ARHGAP24: variants seen among roughly 807,000 people sequenced by gnomAD.
The protein encoded by ARHGAP24 is rho GTPase-activating protein 24.
In ARHGAP24, 50 loss-of-function variants were observed where a neutral mutation model predicts 76.4. The observed-to-expected ratio is 0.65, with a 90% CI of 0.52 to 0.83. ARHGAP24 has a LOEUF of 0.83. ARHGAP24 is among the 40% of genes least tolerant of loss of function. The pLI is 0.00. For missense variants in ARHGAP24, 930 were observed against 914.2 expected (o/e 1.02, Z -0.22); for synonymous variants, 345 against 323.3 (o/e 1.07, Z -0.72).
intron 2 of ARHGAP24, among the ~76,000 whole-genome samples, chr4:85,658,133 A>G (rs527587239): frequency 1.3e-5 from 2 of 152,304 alleles, no homozygotes; most frequent in African/African-American, 4.8e-5. Context: ...CAGTCTGACA[A>G]AAGAAGGAAC....
At chr4:85,930,951 T>C (rs749996308) in intron 4 of ARHGAP24, 1 of 1,614,034 alleles carries the variant, frequency 6.2e-7, no homozygotes, top group Non-Finnish European at 8.5e-7. Flanking sequence ...ACCGGAATTC[T>C]GGGGGGTGCC....
At chr4:85,741,071 C>G (rs1725804809) in intron 3 of ARHGAP24, among the ~76,000 whole-genome samples, 1 of 152,192 alleles carries the variant, frequency 6.6e-6, no homozygotes, top group Admixed American at 6.5e-5. Flanking sequence ...TGCCCTAGGT[C>G]ACCAGCCAGT....
intron 2 of ARHGAP24, among the ~76,000 whole-genome samples, chr4:85,635,461 TATTTATTGCTTAGTTTCTCCTC>T (rs1721285159): frequency 6.6e-6 from 1 of 151,920 alleles, no homozygotes; most frequent in Non-Finnish European, 1.5e-5. Flanking sequence ...TTGTCTCTTT[TATTTATTGCTTAGTTTCTCCTC>T]ATTTCACTGA....
intron 3 of ARHGAP24, among the ~76,000 whole-genome samples, chr4:85,885,815 T>C (rs1225578202): frequency 6.6e-6 from 1 of 152,138 alleles, no homozygotes; most frequent in Non-Finnish European, 1.5e-5. Context: ...TTTAATTGTT[T>C]AAAGCTAGAG....
At chr4:85,974,748 G>C in intron 6 of ARHGAP24, 140 bp from the exon 7 acceptor site, 1 of 673,258 alleles carries the variant, frequency 1.5e-6, no homozygotes, top group Non-Finnish European at 2.6e-6. Flanking sequence ...CACTGTGATG[G>C]TGGTAAGTTT....
intron 3 of ARHGAP24, among the ~76,000 whole-genome samples, chr4:85,897,115 T>G (rs907970388): frequency 6.6e-6 from 1 of 152,164 alleles, no homozygotes; most frequent in African/African-American, 2.4e-5. Context: ...ATGAAAAGAC[T>G]TGAATGTCCC....
At chr4:85,760,040 C>A (rs1282758580) in intron 3 of ARHGAP24, among the ~76,000 whole-genome samples, 1 of 138,868 alleles carries the variant, frequency 7.2e-6, no homozygotes, top group East Asian at 1.9e-4. Flanking sequence ...ATCAAATGAA[C>A]TTTTTTTCCT....
chr4:85,962,438 AAAG>A (rs2148842850), intron 5 of ARHGAP24, among the ~76,000 whole-genome samples: 2 of 152,178 alleles, frequency 1.3e-5, no homozygotes, highest in African/African-American at 4.8e-5. Flanking sequence ...GTGAGGTGAG[AAAG>A]AAGCTCACCT....
At chr4:85,942,403 GGAGTTT>G in intron 5 of ARHGAP24, 130 bp downstream of exon 5, 1 of 1,129,236 alleles carries the variant, frequency 8.9e-7, no homozygotes, top group Non-Finnish European at 1.3e-6. Flanking sequence ...TTTGGCCACA[GGAGTTT>G]GCATTGTTTC....
chr4:85,544,724 G>T (rs1296333512), intron 1 of ARHGAP24, among the ~76,000 whole-genome samples: 1 of 151,896 alleles, frequency 6.6e-6, no homozygotes, highest in Admixed American at 6.6e-5. Context: ...ATACATATAT[G>T]TAAATTTTTT....
At chr4:85,678,986 T>C (rs956986915) in intron 2 of ARHGAP24, among the ~76,000 whole-genome samples, 1 of 152,122 alleles carries the variant, frequency 6.6e-6, no homozygotes, top group Non-Finnish European at 1.5e-5. Context: ...CAAGAAAAGA[T>C]ATTCAAATTT....
intron 3 of ARHGAP24, among the ~76,000 whole-genome samples, chr4:85,902,341 A>G (rs1260372125): frequency 6.6e-6 from 1 of 152,212 alleles, no homozygotes; most frequent in East Asian, 1.9e-4. Flanking sequence ...CTACAGATCT[A>G]TGGCATTTAG....
At chr4:85,831,237 GA>G (rs1472987977) in intron 3 of ARHGAP24, among the ~76,000 whole-genome samples, 1 of 151,974 alleles carries the variant, frequency 6.6e-6, no homozygotes, top group Non-Finnish European at 1.5e-5. Flanking sequence ...TACACATTAA[GA>G]GCCCCAAAAT....
intron 1 of ARHGAP24, 69 bp downstream of exon 1, chr4:85,475,628 A>AGGGGAGGGGGCTGCGGGGGGC: frequency 1.3e-5 from 1 of 76,516 alleles, no homozygotes; most frequent in Admixed American, 1.4e-4. Flanking sequence ...TGCCTGCGCC[A>AGGGGAGGGGGCTGCGGGGGGC]GGGGAGGGGG....
intron 3 of ARHGAP24, among the ~76,000 whole-genome samples, chr4:85,922,497 C>T (rs1466401015): frequency 6.6e-6 from 1 of 152,120 alleles, no homozygotes; most frequent in Non-Finnish European, 1.5e-5. Flanking sequence ...ATTAATTCAA[C>T]CCAAGGGATC....
At chr4:85,664,201 T>A (rs1313156931) in intron 2 of ARHGAP24, among the ~76,000 whole-genome samples, 1 of 151,550 alleles carries the variant, frequency 6.6e-6, no homozygotes, top group Admixed American at 6.6e-5. Flanking sequence ...CTGTTATTGG[T>A]CTATTCAGAG....
intron 3 of ARHGAP24, among the ~76,000 whole-genome samples, chr4:85,919,729 C>G (rs911862964): frequency 6.6e-6 from 1 of 152,196 alleles, no homozygotes; most frequent in South Asian, 2.1e-4. Context: ...CAGATACACA[C>G]TGTAGCGGCT....
intron 5 of ARHGAP24, among the ~76,000 whole-genome samples, chr4:85,962,745 C>T (rs965730289): frequency 3.3e-5 from 5 of 151,294 alleles, no homozygotes; most frequent in Admixed American, 2.6e-4. Flanking sequence ...TTCATTATGA[C>T]TCCCAATCTA....
rs1390051502 is a variant in ARHGAP24, at chr4:85,995,300, G to C, written c.1646G>C (p.Ser549Thr). 7 of 1,613,882 alleles carry C rather than the reference G, an allele frequency of 4.3e-6. No homozygotes were observed. The highest frequency in any genetic ancestry group is 5.9e-6 in the Non-Finnish European group (7 of 1,180,030). Residue 549 changes from serine (S) to threonine (T), a missense_variant, in exon 9 of 10, where the codon AGC becomes ACC. Physicochemically the swap from Ser to Thr is moderately conservative, Grantham distance 58. Transcript: ENST00000395184. ...ATGATGAACCTTGATGACAAGCAGAGCATTGACAGTGCTACCTGGTCCACT... is the reference window on the plus strand; with the variant it reads ...ATGATGAACCTTGATGACAAGCAGACCATTGACAGTGCTACCTGGTCCACT... The part of the protein sequence containing the change: ...FSMMNLDDKQ[S>T]IDSATWSTSS...
Sources: allele counts gnomAD v4.1 joint callset (sites outside exome capture counted in the v4.1 genomes callset), GRCh38; gene constraint gnomAD v4.1.1; transcripts MANE v1.5; gene names NCBI Gene and HGNC (gene_info 2026-07-23, HGNC 2026-07-21).